TBCK: variants seen among roughly 807,000 people sequenced by gnomAD.
TBCK encodes TBC domain-containing protein kinase-like protein.
In TBCK, 99 loss-of-function variants were observed where a neutral mutation model predicts 113.4. That is an observed-to-expected ratio of 0.87 (90% CI 0.74 to 1.03). The LOEUF is 1.03. Ranked by LOEUF, TBCK falls within the 50% of genes least tolerant of loss-of-function variation. The pLI is 0.00. For missense variants in TBCK, 1,045 were observed against 1,061.3 expected (o/e 0.98, Z 0.21); for synonymous variants, 369 against 370.8 (o/e 1.00, Z 0.05).
intron 25 of TBCK, among the ~76,000 whole-genome samples, chr4:106,061,448 T>TTC (rs1736036861): frequency 8.6e-5 from 13 of 151,242 alleles, no homozygotes; most frequent in Non-Finnish European, 1.5e-5. Flanking sequence ...CTTTTTTTTT[T>TTC]TTTTTTAGCA....
chr4:106,302,607 C>T (rs988375521), intron 2 of TBCK, among the ~76,000 whole-genome samples: 5 of 152,094 alleles, frequency 3.3e-5, no homozygotes, highest in Admixed American at 2.6e-4. Context: ...TGGGAATAAA[C>T]AAAGGGCTCT....
intron 3 of TBCK, among the ~76,000 whole-genome samples, chr4:106,265,965 T>C (rs1262026081): frequency 1.3e-5 from 2 of 151,828 alleles, no homozygotes; most frequent in Non-Finnish European, 2.9e-5. Flanking sequence ...TTTTATCAAA[T>C]AATTTCTCCC....
At chr4:106,195,492 T>TGTGTGTGTGTGTGTGTGTGTGTG (rs371211369) in intron 20 of TBCK, among the ~76,000 whole-genome samples, 12 of 148,936 alleles carry the variant, frequency 8.1e-5, no homozygotes, top group South Asian at 2.1e-4. Context: ...ATGTGTGTGT[T>TGTGTGTGTGTGTGTGTGTGTGTG]TGTGTGTGTG....
chr4:106,128,568 T>C lies in TBCK; in HGVS notation c.2236-12190A>G, dbSNP rs1745501020. On this transcript the variant is annotated intron_variant, in intron 23 of 25. Coordinates refer to ENST00000394708, the MANE Select transcript of TBCK (RefSeq NM_001163435.3). ...TACATTCATGATATCACAATATTCA[T>C]CCAAAATAAACTACCTAGAATTAAC... Among the ~76,000 whole-genome samples, 3 of 152,214 alleles carry C rather than the reference T, an allele frequency of 2.0e-5. No homozygotes were observed. The South Asian group carries it at 6.2e-4, about 32-fold the overall frequency.
chr4:106,295,263 C>G, intron 2 of TBCK, 97 bp from the exon 3 acceptor site: 1 of 942,388 alleles, frequency 1.1e-6, no homozygotes, highest in Non-Finnish European at 1.6e-6. Context: ...ATATAACACC[C>G]ATAACAATAT....
At chr4:106,190,876 G>T (rs1157209931) in intron 22 of TBCK, among the ~76,000 whole-genome samples, 1 of 152,152 alleles carries the variant, frequency 6.6e-6, no homozygotes, top group East Asian at 1.9e-4. Context: ...AACTAGCTGA[G>T]ACTACAGGCG....
chr4:106,316,548 A>T (rs1001991896), upstream of TBCK: 8 of 1,551,422 alleles, frequency 5.2e-6, no homozygotes, highest in Non-Finnish European at 6.1e-6. Flanking sequence ...CTGGACCTAC[A>T]TGCTTCCTGC....
chr4:106,209,954 C>G (rs1480129654), intron 20 of TBCK, among the ~76,000 whole-genome samples: 1 of 152,012 alleles, frequency 6.6e-6, no homozygotes, highest in Non-Finnish European at 1.5e-5. Flanking sequence ...TTTCTTTGTT[C>G]TATCCTGCAC....
At chr4:106,237,971 AATT>A (rs1759663968) in intron 12 of TBCK, among the ~76,000 whole-genome samples, 2 of 152,170 alleles carry the variant, frequency 1.3e-5, no homozygotes, top group Admixed American at 1.3e-4. Flanking sequence ...TAAAGATAAA[AATT>A]ATTATATGGT....
In TBCK at chr4:106,042,362, T is replaced by C. The variant is rs1733917553; in HGVS notation, c.*4208A>G. ...TTAAATAAGACTACTGCATAAGATT[T>C]TTTTTTTTCTTTTTTGAGACGGAGT... On this transcript the variant is annotated 3_prime_UTR_variant, in exon 26 of 26. Transcript: ENST00000394708. 1.3e-5 allele frequency: 2 copies of C among 152,170 alleles called. No individual in the cohort carries two copies. The highest frequency in any genetic ancestry group is 1.3e-4 in the Admixed American group (2 of 15,286). The allele number at this position is 152,170 out of a possible 1,614,324, so 9.4% of individuals were successfully genotyped here. A position where few individuals can be genotyped will look rare whatever the true frequency, so the allele number is the denominator to read the frequency against.
chr4:106,071,131 T>C (rs957218192), intron 25 of TBCK, among the ~76,000 whole-genome samples: 2 of 152,210 alleles, frequency 1.3e-5, no homozygotes, highest in African/African-American at 4.8e-5. Flanking sequence ...ATTTCTTGCC[T>C]TCTGCTAGCT....
chr4:106,211,716 T>C (rs1011077144), intron 20 of TBCK, among the ~76,000 whole-genome samples: 7 of 152,038 alleles, frequency 4.6e-5, no homozygotes, highest in Non-Finnish European at 1.0e-4. Flanking sequence ...ATGAAAACAA[T>C]TAAAAATTGC....
intron 23 of TBCK, among the ~76,000 whole-genome samples, chr4:106,140,478 T>C (rs2149650239): frequency 7.1e-6 from 1 of 140,738 alleles, no homozygotes; most frequent in African/African-American, 2.5e-5. Flanking sequence ...AAAAACTACA[T>C]ATAATCAAGA....
At chr4:106,109,758 G>T (rs971402964) in intron 24 of TBCK, among the ~76,000 whole-genome samples, 1 of 152,090 alleles carries the variant, frequency 6.6e-6, no homozygotes, top group African/African-American at 2.4e-5. Flanking sequence ...CACAACAAAA[G>T]CAAAAATTGA....
At chr4:106,165,884 G>A (rs10010712) in intron 23 of TBCK, among the ~76,000 whole-genome samples, 9,642 of 151,722 alleles carry the variant, frequency 0.064, 359 homozygotes, top group Non-Finnish European at 0.082. Flanking sequence ...CAAAGCTCAT[G>A]CTTTTTCTAT....
chr4:106,232,205 G>A (rs1320890149), intron 17 of TBCK, among the ~76,000 whole-genome samples: 5 of 151,260 alleles, frequency 3.3e-5, no homozygotes, highest in African/African-American at 1.2e-4. Context: ...ATTGTGAAGT[G>A]GATTCCAAAT....
chr4:106,130,621 CA>C (rs1745783097), intron 23 of TBCK, among the ~76,000 whole-genome samples: 1 of 151,726 alleles, frequency 6.6e-6, no homozygotes, highest in African/African-American at 2.4e-5. Context: ...CACACACACA[CA>C]CACACACCAC....
intron 25 of TBCK, among the ~76,000 whole-genome samples, chr4:106,060,268 C>G (rs893242652): frequency 6.6e-6 from 1 of 151,754 alleles, no homozygotes; most frequent in Admixed American, 6.6e-5. Flanking sequence ...GCTTTCATAA[C>G]TAGAGATAAG....
chr4:106,301,227 T>C (rs1766906189), intron 2 of TBCK, among the ~76,000 whole-genome samples: 2 of 151,894 alleles, frequency 1.3e-5, no homozygotes, highest in Non-Finnish European at 2.9e-5. Context: ...GATTAAAATT[T>C]ATATGCTAGA....
Sources: allele counts gnomAD v4.1 joint callset (sites outside exome capture counted in the v4.1 genomes callset), GRCh38; gene constraint gnomAD v4.1.1; transcripts MANE v1.5; gene names NCBI Gene and HGNC (gene_info 2026-07-23, HGNC 2026-07-21).